The following WASF2 variants were observed in gnomAD, a reference collection of about 807,000 sequenced individuals.
WASF2 encodes the protein WASP family member 2.
A neutral mutation model predicts 45.0 loss-of-function variants in WASF2; 14 were observed. The ratio of observed to expected loss-of-function variants is 0.31; its 90% CI spans 0.21 to 0.49. WASF2 has a LOEUF of 0.49. Among genes scored for constraint, WASF2 ranks in the 20% least tolerant of loss-of-function variants. The probability of loss-of-function intolerance (pLI) is 0.99; values close to 1 mark genes in which losing one functional copy is unlikely to be tolerated. For synonymous variants in WASF2, 200 were observed against 236.3 expected (o/e 0.85, Z 1.41); for missense variants, 439 against 636.1 (o/e 0.69, Z 3.33).
intron 1 of WASF2, among the ~76,000 whole-genome samples, chr1:27,485,974 T>G (rs1219265411): frequency 1.3e-5 from 2 of 152,152 alleles, no homozygotes; most frequent in East Asian, 3.9e-4. Context: ...CCTCCCAGAG[T>G]GCTGGGATTA....
At chr1:27,423,869 A>G (rs529467548) in intron 2 of WASF2, among the ~76,000 whole-genome samples, 1 of 152,284 alleles carries the variant, frequency 6.6e-6, no homozygotes, top group South Asian at 2.1e-4. Context: ...GGAGCTCCCC[A>G]ATGGCATGCC....
At chr1:27,409,601 G>A in intron 8 of WASF2, 91 bp downstream of exon 8, 1 of 1,367,642 alleles carries the variant, frequency 7.3e-7, no homozygotes, top group African/African-American at 1.5e-5. Flanking sequence ...CCTGGGAAGG[G>A]CACAGGGACC....
chr1:27,421,772 C>T (rs1024427559), intron 2 of WASF2, among the ~76,000 whole-genome samples: 11 of 150,696 alleles, frequency 7.3e-5, no homozygotes, highest in Non-Finnish European at 1.3e-4. Flanking sequence ...GCCAAGATCG[C>T]GCCATTGCAC....
intron 1 of WASF2, among the ~76,000 whole-genome samples, chr1:27,451,148 C>A (rs1425425180): frequency 1.3e-5 from 2 of 152,088 alleles, no homozygotes; most frequent in African/African-American, 4.8e-5. Flanking sequence ...CTGTGCCACA[C>A]ACTTAGGATA....
chr1:27,463,619 T>C (rs965997720), intron 1 of WASF2, among the ~76,000 whole-genome samples: 3 of 110,854 alleles, frequency 2.7e-5, no homozygotes, highest in African/African-American at 1.2e-4. Context: ...TGAGACTCTG[T>C]CTCAAAAAAA....
At chr1:27,453,564 C>T (rs112935221) in intron 1 of WASF2, among the ~76,000 whole-genome samples, 2,466 of 138,588 alleles carry the variant, frequency 0.018, 81 homozygotes, top group African/African-American at 0.064. Flanking sequence ...TGCACTCCAA[C>T]CTGGGTGACA....
intron 1 of WASF2, among the ~76,000 whole-genome samples, chr1:27,452,376 G>A (rs993803134): frequency 4.6e-5 from 7 of 151,866 alleles, no homozygotes; most frequent in Non-Finnish European, 5.9e-5. Context: ...AGCTGGGCGT[G>A]GTGGTGCGCA....
intron 2 of WASF2, among the ~76,000 whole-genome samples, chr1:27,424,082 G>C (rs1225471458): frequency 6.6e-6 from 1 of 152,198 alleles, no homozygotes; most frequent in Non-Finnish European, 1.5e-5. Flanking sequence ...AAGAATTCTG[G>C]ATGTGCTGTC....
chr1:27,420,918 T>C (rs1016977819), intron 2 of WASF2, among the ~76,000 whole-genome samples: 21 of 152,220 alleles, frequency 1.4e-4, no homozygotes, highest in African/African-American at 4.8e-4. Context: ...AAGTAGGCTC[T>C]AATTTTTAGC....
chr1:27,480,172 C>T (rs2017826566), intron 1 of WASF2, among the ~76,000 whole-genome samples: 1 of 152,186 alleles, frequency 6.6e-6, no homozygotes, highest in South Asian at 2.1e-4. Flanking sequence ...CCTTCTTCTA[C>T]ACAGTTAAAC....
intron 1 of WASF2, among the ~76,000 whole-genome samples, chr1:27,448,748 A>C (rs1476160873): frequency 4.0e-5 from 6 of 150,860 alleles, no homozygotes; most frequent in African/African-American, 7.3e-5. Context: ...AGGCTGAGGC[A>C]GGAGAATCGC....
chr1:27,449,853 A>G (rs1468020076), intron 1 of WASF2, among the ~76,000 whole-genome samples: 2 of 151,842 alleles, frequency 1.3e-5, no homozygotes, highest in African/African-American at 4.8e-5. Flanking sequence ...AAAGAAGTTG[A>G]AAATTATTGG....
chr1:27,469,356 T>C (rs1303532727), intron 1 of WASF2, among the ~76,000 whole-genome samples: 1 of 152,204 alleles, frequency 6.6e-6, no homozygotes, highest in African/African-American at 2.4e-5. Flanking sequence ...AAGAACGAGA[T>C]GAGCAGACAA....
chr1:27,489,099 A>C (rs1287677684), intron 1 of WASF2, among the ~76,000 whole-genome samples: 1 of 151,936 alleles, frequency 6.6e-6, no homozygotes, highest in Non-Finnish European at 1.5e-5. Flanking sequence ...GGACAACCAT[A>C]TTAAAACTTT....
At chr1:27,433,026 G>T (rs942179959) in intron 1 of WASF2, among the ~76,000 whole-genome samples, 1 of 152,192 alleles carries the variant, frequency 6.6e-6, no homozygotes, top group East Asian at 1.9e-4. Flanking sequence ...GCCTCCCAAA[G>T]TGCTGGGATT....
chr1:27,414,915 T>G lies in WASF2; in HGVS notation c.586A>C (p.Ile196Leu). The change falls in exon 6 of 9, where the codon ATC becomes CTC. Residue 196 changes from isoleucine (I) to leucine (L), a missense_variant. Ile to Leu is a conservative substitution (Grantham distance 5). Around this residue, in one of 5 missense-constraint regions of WASF2, gnomAD observed 23 missense variants for 69.7 expected, o/e 0.33. Coordinates refer to ENST00000618852, the MANE Select transcript of WASF2 (RefSeq NM_006990.5). This position sits in a 1 kb window ranked among gnomAD's most constrained non-coding sequence, Gnocchi z 4.1. The stretch of plus-strand genomic sequence containing the variant: ...TCCCACTCTTCCTTACGTGTCTTGA[T>G]TTTACGTGGGTTTACATTCCCTCGA... ...PNRGNVNPRK[I>L]KTRKEEWEKM... The G allele has an allele frequency of 6.2e-7, 1 of 1,614,208 alleles. No homozygotes were observed. The highest frequency in any genetic ancestry group is 1.3e-5 in the African/African-American group (1 of 75,058).
rs2016654521 is a variant in WASF2 at position 27,405,417 on chromosome 1, GGGA to G, written c.*2769_*2771del. 6.6e-6 allele frequency: 1 copy of G among 152,310 alleles called. No homozygotes were observed. Among genetic ancestry groups the G allele is most frequent in the Non-Finnish European group, 1.5e-5 (1 of 68,090 alleles). The allele number at this position is 152,310 out of a possible 1,614,324, so 9.4% of individuals were successfully genotyped here. A position where few individuals can be genotyped will look rare whatever the true frequency, so the allele number is the denominator to read the frequency against. Reference sequence around the variant, plus strand: ...TCCCTTGGGCGGGGTGAACCAGGAAGGGAGGAGGCTCCTTGGCTTCGGCGCTTA... The same window carrying G: ...TCCCTTGGGCGGGGTGAACCAGGAAGGGAGGCTCCTTGGCTTCGGCGCTTA... On this transcript the variant is annotated 3_prime_UTR_variant, in exon 9 of 9. Transcript: ENST00000618852.
At chr1:27,472,409 G>A (rs1389503062) in intron 1 of WASF2, among the ~76,000 whole-genome samples, 1 of 151,280 alleles carries the variant, frequency 6.6e-6, no homozygotes, top group Non-Finnish European at 1.5e-5. Flanking sequence ...TGAGGCAGGT[G>A]GATCACTTGA....
rs1433245830 is a variant in WASF2, at chr1:27,407,941, T to C, written c.*248A>G. The C allele has an allele frequency of 2.4e-6, 1 of 416,348 alleles. No homozygotes were observed. The highest frequency in any genetic ancestry group is 2.0e-5 in the African/African-American group (1 of 49,130). 25.8% of individuals were successfully genotyped at this position (416,348 alleles called of 1,614,324 possible). A position where few individuals can be genotyped will look rare whatever the true frequency, so the allele number is the denominator to read the frequency against. ...TTCCTTTCAATATGCAACAGGCACT[T>C]GAAGGAAAGAGGGAACATCCCAGCT... On this transcript the variant is annotated 3_prime_UTR_variant, in exon 9 of 9. Transcript: ENST00000618852.
Sources: allele counts gnomAD v4.1 joint callset (sites outside exome capture counted in the v4.1 genomes callset), GRCh38; gene constraint gnomAD v4.1.1; regional missense constraint gnomAD v4.1.1; non-coding constraint Gnocchi (gnomAD v3.1); transcripts MANE v1.5; gene names NCBI Gene and HGNC (gene_info 2026-07-23, HGNC 2026-07-21).